The following SCAI variants were observed in gnomAD, a reference collection of about 807,000 sequenced individuals.
SCAI encodes the protein protein SCAI.
In SCAI, 24 loss-of-function variants were observed where a neutral mutation model predicts 92.2. That is an observed-to-expected ratio of 0.26 (90% CI 0.19 to 0.37). The LOEUF (loss-of-function observed/expected upper bound fraction) is 0.37. Ranked by LOEUF, SCAI falls within the 10% of genes least tolerant of loss-of-function variation. The pLI is 1.00. For synonymous variants in SCAI, 261 were observed against 258.6 expected, an observed-to-expected ratio of 1.01 and a Z score of -0.09; for missense variants, 450 against 736.2, an observed-to-expected ratio of 0.61 and a Z score of 4.50.
intron 14 of SCAI, among the ~76,000 whole-genome samples, chr9:124,991,038 T>C (rs1832108477): frequency 6.6e-6 from 1 of 152,138 alleles, no homozygotes; most frequent in African/African-American, 2.4e-5. Context: ...CTTTAAACTA[T>C]ATGCACGAGT....
intron 11 of SCAI, among the ~76,000 whole-genome samples, chr9:125,002,372 A>T (rs1057019561): frequency 6.6e-6 from 1 of 152,134 alleles, no homozygotes; most frequent in African/African-American, 2.4e-5. Flanking sequence ...CTTTCTCTAC[A>T]TAGACTTTGG....
intron 14 of SCAI, among the ~76,000 whole-genome samples, chr9:124,981,955 T>A (rs16927802): frequency 0.082 from 12,423 of 152,224 alleles, 1,155 homozygotes; most frequent in East Asian, 0.27. Context: ...TGATTTTCCT[T>A]TACCTAATCT....
intron 2 of SCAI, among the ~76,000 whole-genome samples, chr9:125,098,642 G>C (rs1331438567): frequency 6.6e-6 from 1 of 152,194 alleles, no homozygotes; most frequent in Non-Finnish European, 1.5e-5. Flanking sequence ...GGGCATGGCT[G>C]CAAGATGCAG....
chr9:125,080,870 G>C (rs1443347424), intron 2 of SCAI, among the ~76,000 whole-genome samples: 1 of 152,196 alleles, frequency 6.6e-6, no homozygotes, highest in Non-Finnish European at 1.5e-5. Context: ...TTGTGGGAGG[G>C]ACCCAGTGGA....
At chr9:125,026,038 G>C (rs1422102016) in intron 6 of SCAI, among the ~76,000 whole-genome samples, 1 of 152,184 alleles carries the variant, frequency 6.6e-6, no homozygotes, top group Non-Finnish European at 1.5e-5. Context: ...GAAGATCTCT[G>C]ATTTCTTCCA....
Position 125,028,375 on chromosome 9 carries a change from A to C in SCAI, c.413+17T>G, listed in dbSNP as rs1425301529. On this transcript the variant is annotated intron_variant, in intron 5 of 17. Transcript: ENST00000336505. Reference sequence around the variant, plus strand: ...AATCAGACAACACTTTACTCTTTCCATGTGTAATTTACTTACTAATAATGA... The same window carrying C: ...AATCAGACAACACTTTACTCTTTCCCTGTGTAATTTACTTACTAATAATGA... 1.5e-6 allele frequency: 2 copies of C among 1,372,456 alleles called. No individual in the cohort carries two copies. Among genetic ancestry groups the C allele is most frequent in the Admixed American group, 1.8e-5 (1 of 56,146 alleles). The allele number at this position is 1,372,456 out of a possible 1,614,324, so 85.0% of individuals were successfully genotyped here. A position where few individuals can be genotyped will look rare whatever the true frequency, so the allele number is the denominator to read the frequency against.
intron 4 of SCAI, among the ~76,000 whole-genome samples, chr9:125,029,183 A>C (rs1241403480): frequency 1.3e-5 from 2 of 151,978 alleles, no homozygotes; most frequent in Non-Finnish European, 1.5e-5. Context: ...GCAGTGATGC[A>C]ATCTCTGCTC....
At chr9:125,138,688 A>G (rs902887306) in intron 2 of SCAI, among the ~76,000 whole-genome samples, 3 of 152,142 alleles carry the variant, frequency 2.0e-5, no homozygotes, top group African/African-American at 7.2e-5. Context: ...TGCTGGGATT[A>G]CAGGATTGAG....
In SCAI at chr9:125,108,522, C is replaced by T. The variant is rs1320370542; in HGVS notation, c.98+34111G>A. ...TGTGAGGAGCGTCTCTGCCCGGCTG[C>T]GACCCCATCTGGGAGGTGAGGAGCG... is the stretch of plus-strand genomic sequence containing the variant. On this transcript the variant is annotated intron_variant, in intron 2 of 17. Coordinates refer to ENST00000336505, the MANE Select transcript of SCAI (RefSeq NM_001144877.3). Among the ~76,000 whole-genome samples the T allele has an allele frequency of 1.7e-4, 26 of 150,482 alleles. 1 individual carries two copies. The highest frequency in any genetic ancestry group is 4.2e-4 in the African/African-American group (17 of 40,788).
intron 2 of SCAI, among the ~76,000 whole-genome samples, chr9:125,086,062 T>A (rs1398385669): frequency 6.6e-6 from 1 of 152,234 alleles, no homozygotes; most frequent in Non-Finnish European, 1.5e-5. Context: ...ATCAAACTTT[T>A]CTGGATCACT....
chr9:125,130,344 G>T (rs1169366462), intron 2 of SCAI, among the ~76,000 whole-genome samples: 1 of 152,132 alleles, frequency 6.6e-6, no homozygotes, highest in Non-Finnish European at 1.5e-5. Flanking sequence ...TTGCCAATTG[G>T]TCGGGGGGAC....
intron 17 of SCAI, among the ~76,000 whole-genome samples, chr9:124,955,049 A>AC (rs1350291357): frequency 6.6e-6 from 1 of 151,716 alleles, no homozygotes; most frequent in Admixed American, 6.6e-5. Context: ...CATCTGTAGT[A>AC]CCCAGCTACT....
chr9:125,045,843 C>A (rs1391182118), intron 3 of SCAI, among the ~76,000 whole-genome samples: 2 of 152,002 alleles, frequency 1.3e-5, no homozygotes, highest in African/African-American at 2.4e-5. Flanking sequence ...TTAATGAATT[C>A]TTCAGGGTTC....
At chr9:125,045,817 A>G (rs1043356607) in intron 3 of SCAI, among the ~76,000 whole-genome samples, 3 of 152,018 alleles carry the variant, frequency 2.0e-5, no homozygotes, top group Non-Finnish European at 4.4e-5. Flanking sequence ...GACACTAATG[A>G]CATTGTTTTG....
intron 3 of SCAI, among the ~76,000 whole-genome samples, chr9:125,036,284 T>A (rs1317790095): frequency 6.6e-6 from 1 of 152,250 alleles, no homozygotes; most frequent in Non-Finnish European, 1.5e-5. Flanking sequence ...TAAGCACTAA[T>A]AAATGTTAGT....
chr9:124,985,106 C>G (rs1396515800), intron 14 of SCAI, among the ~76,000 whole-genome samples: 1 of 152,162 alleles, frequency 6.6e-6, no homozygotes, highest in Non-Finnish European at 1.5e-5. Context: ...ATCCTCAGGG[C>G]TACAGCCTTT....
At chr9:124,993,930 C>T (rs1194276015) in intron 14 of SCAI, among the ~76,000 whole-genome samples, 2 of 152,054 alleles carry the variant, frequency 1.3e-5, no homozygotes, top group African/African-American at 4.8e-5. Context: ...ACTAATCAAA[C>T]ATTTTGACCA....
At chr9:125,014,307 A>C (rs1832702782) in intron 9 of SCAI, among the ~76,000 whole-genome samples, 1 of 152,222 alleles carries the variant, frequency 6.6e-6, no homozygotes, top group Non-Finnish European at 1.5e-5. Flanking sequence ...AAATCTCCTT[A>C]AGCTGATAAG....
Position 125,091,792 on chromosome 9 carries a change from G to A in SCAI, c.99-35785C>T, listed in dbSNP as rs1160695379. Among the ~76,000 whole-genome samples the A allele has an allele frequency of 6.6e-6, 1 of 152,050 alleles. No individual in the cohort carries two copies. On this transcript the variant is annotated intron_variant, in intron 2 of 17. Transcript: ENST00000336505. The surrounding 1 kb of genome is among the most constrained non-coding windows in gnomAD (Gnocchi z 4.3). ...CCGCCATCCCCACTTTTCAGCTGAT[G>A]GCAATTGTTTTATATTTCACTAAAA...
Sources: gnomAD v4.1 joint callset for allele counts (sites outside exome capture counted in the v4.1 genomes callset) on GRCh38, gnomAD v4.1.1 for gene constraint, Gnocchi (gnomAD v3.1) non-coding constraint, MANE v1.5 for transcripts, NCBI Gene and HGNC (gene_info 2026-07-23, HGNC 2026-07-21) for gene names.